The following LRMDA variants were observed in gnomAD, a reference collection of about 807,000 sequenced individuals.
LRMDA encodes leucine rich melanocyte differentiation associated.
In LRMDA, 18 loss-of-function variants were observed where a neutral mutation model predicts 29.8. That is an observed-to-expected ratio of 0.60 (90% CI 0.42 to 0.90). The LOEUF is 0.90. Among genes scored for constraint, LRMDA ranks in the 40% least tolerant of loss-of-function variants. LRMDA has a pLI of 0.00. For synonymous variants in LRMDA, 125 were observed against 109.4 expected, an observed-to-expected ratio of 1.14 and a Z score of -0.89; for missense variants, 273 against 273.9, an observed-to-expected ratio of 1.00 and a Z score of 0.02.
At chr10:76,387,550 G>C (rs1400968963) in intron 6 of LRMDA, among the ~76,000 whole-genome samples, 4 of 151,500 alleles carry the variant, frequency 2.6e-5, no homozygotes, top group Non-Finnish European at 5.9e-5. Flanking sequence ...CTGCAGCGAG[G>C]TATGATCATG....
In LRMDA at chr10:76,359,621, G is replaced by A. The variant is rs578006636; in HGVS notation, c.601+35136G>A. ...TCAGTACTATCCTTCAGTTTGCTCT[G>A]ATCAAGAATTGAAGAGATCCCCATA... is the stretch of plus-strand genomic sequence containing the variant. On this transcript the variant is annotated intron_variant, in intron 6 of 6. Coordinates refer to ENST00000611255, the MANE Select transcript of LRMDA (RefSeq NM_001305581.2). 3.3e-5 allele frequency among the ~76,000 whole-genome samples: 5 copies of A among 152,292 alleles called. No homozygotes were observed. The East Asian group carries it at 7.7e-4, about 24-fold the overall frequency.
At chr10:75,890,723 T>C (rs1845472608) in intron 2 of LRMDA, among the ~76,000 whole-genome samples, 1 of 152,142 alleles carries the variant, frequency 6.6e-6, no homozygotes, top group South Asian at 2.1e-4. Context: ...CTGGCCATGG[T>C]ATAGAGCTAC....
chr10:76,532,836 A>C, intron 6 of LRMDA, among the ~76,000 whole-genome samples: 1 of 152,104 alleles, frequency 6.6e-6, no homozygotes, highest in East Asian at 1.9e-4. Flanking sequence ...GATTGGGAAA[A>C]CCAAAATCTG....
At chr10:75,463,677 G>GT (rs1049148696) in intron 2 of LRMDA, among the ~76,000 whole-genome samples, 53 of 151,418 alleles carry the variant, frequency 3.5e-4, no homozygotes, top group Non-Finnish European at 6.3e-4. Context: ...TGTTTGTCTT[G>GT]TTTTTTTTGA....
intron 5 of LRMDA, among the ~76,000 whole-genome samples, chr10:76,298,073 C>T (rs1283066337): frequency 1.3e-5 from 2 of 152,228 alleles, no homozygotes. Flanking sequence ...GCTGCTGGTG[C>T]CATGCAGCCA....
At chr10:75,683,566 A>G (rs1252024702) in intron 2 of LRMDA, among the ~76,000 whole-genome samples, 2 of 152,256 alleles carry the variant, frequency 1.3e-5, no homozygotes, top group Non-Finnish European at 2.9e-5. Flanking sequence ...GAAATACTGT[A>G]TATTCAAATT....
At chr10:75,797,571 G>T (rs1197309732) in intron 2 of LRMDA, among the ~76,000 whole-genome samples, 1 of 151,966 alleles carries the variant, frequency 6.6e-6, no homozygotes, top group African/African-American at 2.4e-5. Context: ...CCCAACTCTA[G>T]ATAACCAAAA....
At chr10:76,493,762 A>G (rs1470797777) in intron 6 of LRMDA, among the ~76,000 whole-genome samples, 3 of 152,048 alleles carry the variant, frequency 2.0e-5, no homozygotes, top group Non-Finnish European at 4.4e-5. Flanking sequence ...CAGTTTGCCA[A>G]TGTCTAAAAA....
At chr10:75,786,220 C>T (rs538548266) in intron 2 of LRMDA, among the ~76,000 whole-genome samples, 11 of 152,262 alleles carry the variant, frequency 7.2e-5, no homozygotes, top group South Asian at 2.1e-4. Flanking sequence ...CCATTTGGGG[C>T]GGTATGAAAA....
intron 6 of LRMDA, among the ~76,000 whole-genome samples, chr10:76,376,327 T>C (rs1215366287): frequency 6.6e-6 from 1 of 152,182 alleles, no homozygotes; most frequent in Non-Finnish European, 1.5e-5. Context: ...CATAATTTCA[T>C]TCATTTTAGG....
At chr10:76,182,565 G>A (rs187008397) in intron 5 of LRMDA, among the ~76,000 whole-genome samples, 2 of 152,278 alleles carry the variant, frequency 1.3e-5, no homozygotes, top group East Asian at 1.9e-4. Flanking sequence ...TGTTCATGTT[G>A]TGTCCTACCT....
intron 2 of LRMDA, among the ~76,000 whole-genome samples, chr10:75,806,759 G>A (rs1843859886): frequency 6.7e-6 from 1 of 148,972 alleles, no homozygotes; most frequent in Non-Finnish European, 1.5e-5. Flanking sequence ...CTGTGTGCTA[G>A]GACCCCCATG....
At chr10:75,813,839 G>A (rs971067003) in intron 2 of LRMDA, among the ~76,000 whole-genome samples, 2 of 152,128 alleles carry the variant, frequency 1.3e-5, no homozygotes, top group African/African-American at 2.4e-5. Context: ...AACCATTTGT[G>A]TTGAAGACAG....
At chr10:75,984,289 A>G (rs1269149388) in intron 2 of LRMDA, among the ~76,000 whole-genome samples, 1 of 151,350 alleles carries the variant, frequency 6.6e-6, no homozygotes, top group Non-Finnish European at 1.5e-5. Flanking sequence ...CGGGGAGGAT[A>G]TCCAAACCAG....
At chr10:76,464,870 G>T (rs368946253) in intron 6 of LRMDA, 2 of 152,120 alleles carry the variant, frequency 1.3e-5, no homozygotes, top group African/African-American at 4.8e-5. Context: ...TGATCATCTC[G>T]TGGAGGACAT....
intron 2 of LRMDA, among the ~76,000 whole-genome samples, chr10:75,679,775 T>C (rs1325920754): frequency 2.0e-5 from 3 of 152,212 alleles, no homozygotes; most frequent in Non-Finnish European, 4.4e-5. Context: ...ATCATTTTTT[T>C]CGAGGTCCAG....
At chr10:76,245,807 T>A (rs1421067477) in intron 5 of LRMDA, among the ~76,000 whole-genome samples, 3 of 152,182 alleles carry the variant, frequency 2.0e-5, no homozygotes, top group African/African-American at 7.2e-5. Context: ...TGATGGAAAG[T>A]AGCAGTGGAG....
At chr10:76,165,193 G>C (rs977706148) in intron 5 of LRMDA, among the ~76,000 whole-genome samples, 40 of 151,476 alleles carry the variant, frequency 2.6e-4, no homozygotes, top group Admixed American at 2.0e-4. Context: ...GGCTGGTCTC[G>C]AACTCTTGAC....
At chr10:76,375,138 A>T (rs1305036185) in intron 6 of LRMDA, among the ~76,000 whole-genome samples, 1 of 152,074 alleles carries the variant, frequency 6.6e-6, no homozygotes. Flanking sequence ...AAAAAATGGG[A>T]TTTGCTTACC....
Sources: allele counts gnomAD v4.1 joint callset (sites outside exome capture counted in the v4.1 genomes callset), GRCh38; gene constraint gnomAD v4.1.1; transcripts MANE v1.5; gene names NCBI Gene and HGNC (gene_info 2026-07-23, HGNC 2026-07-21).